Variants in DNAH11 observed in about 807,000 individuals in gnomAD.
DNAH11 encodes axonemal beta dynein heavy chain 11.
In DNAH11, 442 loss-of-function variants were observed where a neutral mutation model predicts 526.0. The observed-to-expected ratio is 0.84, with a 90% CI of 0.78 to 0.91. The LOEUF (loss-of-function observed/expected upper bound fraction) is 0.91, where lower values mean the gene tolerates loss of function less well. Ranked by LOEUF, DNAH11 falls within the 40% of genes least tolerant of loss-of-function variation. The pLI is 0.00. For synonymous variants in DNAH11, 2,461 were observed against 1,935.9 expected, an observed-to-expected ratio of 1.27 and a Z score of -7.12; for missense variants, 6,989 against 5,448.7, an observed-to-expected ratio of 1.28 and a Z score of -8.90.
chr7:21,732,054 C>A (rs930089849), intron 45 of DNAH11, among the ~76,000 whole-genome samples: 2 of 152,136 alleles, frequency 1.3e-5, no homozygotes, highest in South Asian at 4.1e-4. Context: ...TCCCTGGGAG[C>A]CTTGGAACAT....
At chr7:21,645,720 A>ATATCTAAATCAGATATCTAAAAATCAGG (rs1787325985) in intron 28 of DNAH11, among the ~76,000 whole-genome samples, 1 of 152,082 alleles carries the variant, frequency 6.6e-6, no homozygotes, top group African/African-American at 2.4e-5. Context: ...TAAAAATCAG[A>ATATCTAAATCAGATATCTAAAAATCAGG]TATCTAAATC....
chr7:21,893,098 T>C (rs1784385526), intron 77 of DNAH11, among the ~76,000 whole-genome samples: 1 of 152,242 alleles, frequency 6.6e-6, no homozygotes, highest in Non-Finnish European at 1.5e-5. Context: ...TGTTTCTTGT[T>C]TTTCACTTTT....
At chr7:21,582,042 C>G in intron 9 of DNAH11, 21 bp downstream of exon 9, 1 of 1,511,900 alleles carries the variant, frequency 6.6e-7, no homozygotes, top group Admixed American at 1.7e-5. Context: ...AAGAAGCTAT[C>G]ATAAAAAACG....
At chr7:21,733,854 C>T (rs1015961123) in intron 45 of DNAH11, among the ~76,000 whole-genome samples, 25 of 151,728 alleles carry the variant, frequency 1.6e-4, no homozygotes, top group African/African-American at 4.1e-4. Flanking sequence ...TATATATATA[C>T]GGAGAAACAG....
chr7:21,837,185 G>C (rs1782027736), intron 65 of DNAH11, among the ~76,000 whole-genome samples: 1 of 152,000 alleles, frequency 6.6e-6, no homozygotes, highest in Non-Finnish European at 1.5e-5. Context: ...AGAGTGTAGA[G>C]ATTCCTCGAA....
intron 30 of DNAH11, among the ~76,000 whole-genome samples, chr7:21,678,179 T>C (rs1562485725): frequency 6.6e-6 from 1 of 152,072 alleles, no homozygotes. Context: ...CCACTTTTTT[T>C]TTTTTAAGGA....
intron 1 of DNAH11, 119 bp from the exon 2 acceptor site, chr7:21,544,887 G>C: frequency 1.3e-6 from 1 of 759,110 alleles, no homozygotes; most frequent in Non-Finnish European, 2.1e-6. Flanking sequence ...TTGTTTATAG[G>C]GCAGGCAAGA....
intron 65 of DNAH11, among the ~76,000 whole-genome samples, chr7:21,825,091 G>A (rs149189681): frequency 3.3e-5 from 5 of 152,146 alleles, no homozygotes; most frequent in East Asian, 1.9e-4. Context: ...GGCTGGTCTC[G>A]AACTCCTGAC....
intron 2 of DNAH11, among the ~76,000 whole-genome samples, chr7:21,552,921 G>T (rs1038741915): frequency 6.6e-6 from 1 of 152,102 alleles, no homozygotes; most frequent in Non-Finnish European, 1.5e-5. Flanking sequence ...ATACCCCTTA[G>T]ATATTGCACC....
intron 30 of DNAH11, 111 bp from the exon 31 acceptor site, chr7:21,681,435 A>G: frequency 8.1e-7 from 1 of 1,230,620 alleles, no homozygotes; most frequent in Non-Finnish European, 1.1e-6. Flanking sequence ...TCAAAAAAAA[A>G]AAGAAATTGT....
In DNAH11 at chr7:21,655,875, T is replaced by A; in HGVS notation, c.4988T>A (p.Leu1663Gln). Residue 1663 changes from leucine (L) to glutamine (Q), a missense_variant, in exon 29 of 82, where the codon CTG becomes CAG. Transcript: ENST00000409508. ...LAKLFDSIAD[L>Q]QFEDNQDVSA... Reference sequence around the variant, plus strand: ...AAACTTTTCGACAGCATTGCAGATCTGCAGTTTGAAGACAATCAGGATGTT... The same window carrying A: ...AAACTTTTCGACAGCATTGCAGATCAGCAGTTTGAAGACAATCAGGATGTT... The A allele has an allele frequency of 1.2e-6, 2 of 1,613,388 alleles. No individual in the cohort carries two copies. Among genetic ancestry groups the A allele is most frequent in the Non-Finnish European group, 1.7e-6 (2 of 1,179,570 alleles).
chr7:21,774,235 T>C (rs1013818617), intron 56 of DNAH11, among the ~76,000 whole-genome samples: 2 of 152,142 alleles, frequency 1.3e-5, no homozygotes, highest in African/African-American at 2.4e-5. Context: ...TGTAAGGTAG[T>C]GTGGGATATT....
chr7:21,716,097 A>AT (rs11381893), intron 42 of DNAH11, among the ~76,000 whole-genome samples: 17,481 of 151,962 alleles, frequency 0.12, 1,138 homozygotes, highest in East Asian at 0.19. Flanking sequence ...CTTCTGGGCT[A>AT]TTTTTTTGAA....
chr7:21,853,651 G>T (rs1198525652), intron 67 of DNAH11, among the ~76,000 whole-genome samples: 3 of 152,174 alleles, frequency 2.0e-5, no homozygotes. Context: ...ACCAGCAGTA[G>T]TCCTAGATAA....
chr7:21,730,975 C>T (rs1325576532), intron 45 of DNAH11, among the ~76,000 whole-genome samples: 1 of 152,084 alleles, frequency 6.6e-6, no homozygotes, highest in Non-Finnish European at 1.5e-5. Flanking sequence ...GAAACCCGGT[C>T]TCTACTAAAA....
chr7:21,586,114 C>G (rs1352694743), intron 9 of DNAH11, among the ~76,000 whole-genome samples: 2 of 152,172 alleles, frequency 1.3e-5, no homozygotes, highest in African/African-American at 2.4e-5. Context: ...GGCTTTACAA[C>G]CTCGCCTCAG....
At chr7:21,742,788 C>G (rs1785966527) in intron 49 of DNAH11, among the ~76,000 whole-genome samples, 1 of 152,162 alleles carries the variant, frequency 6.6e-6, no homozygotes, top group African/African-American at 2.4e-5. Context: ...GAGAACGGTG[C>G]TTCTCCTCAG....
At chr7:21,606,615 C>CTTT (rs372802563) in intron 19 of DNAH11, 32 bp from the exon 20 acceptor site, 12,467 of 1,179,396 alleles carry the variant, frequency 0.011, 22 homozygotes, top group South Asian at 0.018. Context: ...TTGAAATTCA[C>CTTT]TTTTTTTTTT....
chr7:21,791,398 G>T (rs1323741921), intron 61 of DNAH11, among the ~76,000 whole-genome samples: 1 of 152,170 alleles, frequency 6.6e-6, no homozygotes, highest in African/African-American at 2.4e-5. Flanking sequence ...TCAAGGACTA[G>T]ATATATGATC....
Sources: gnomAD v4.1 joint callset for allele counts (sites outside exome capture counted in the v4.1 genomes callset) on GRCh38, gnomAD v4.1.1 for gene constraint, MANE v1.5 for transcripts, NCBI Gene and HGNC (gene_info 2026-07-23, HGNC 2026-07-21) for gene names.